PTPRN2: variants seen among roughly 807,000 people sequenced by gnomAD.
PTPRN2 encodes receptor-type tyrosine-protein phosphatase N2.
PTPRN2 carries 74 observed loss-of-function variants against 118.8 expected under a neutral mutation model. The ratio of observed to expected loss-of-function variants is 0.62; its 90% CI spans 0.52 to 0.76. The LOEUF (loss-of-function observed/expected upper bound fraction) is 0.76, where lower values mean the gene tolerates loss of function less well. PTPRN2 is among the 30% of genes least tolerant of loss of function. The pLI, the probability that PTPRN2 is intolerant of heterozygous loss-of-function variation, is 0.00. For missense variants in PTPRN2, 1,481 were observed against 1,394.4 expected, an observed-to-expected ratio of 1.06 and a Z score of -0.99; for synonymous variants, 641 against 608.0, an observed-to-expected ratio of 1.05 and a Z score of -0.80.
At chr7:157,984,238 C>A (rs961162107) in intron 11 of PTPRN2, among the ~76,000 whole-genome samples, 2 of 149,126 alleles carry the variant, frequency 1.3e-5, no homozygotes, top group African/African-American at 4.9e-5. Flanking sequence ...CCGCCCCACG[C>A]CAGGCTCCAC....
chr7:158,273,323 T>C (rs6976819), intron 3 of PTPRN2, among the ~76,000 whole-genome samples: 54,876 of 151,948 alleles, frequency 0.36, 11,022 homozygotes, highest in African/African-American at 0.54. Context: ...CCTTGCCTGC[T>C]GGGGAGGCCA....
intron 17 of PTPRN2, among the ~76,000 whole-genome samples, chr7:157,589,282 A>T: frequency 6.6e-6 from 1 of 152,226 alleles, no homozygotes; most frequent in East Asian, 1.9e-4. Context: ...GTGCCTGCCC[A>T]GGGCCTGGCA....
intron 9 of PTPRN2, among the ~76,000 whole-genome samples, chr7:158,116,982 G>C (rs373540787): frequency 6.6e-6 from 1 of 152,024 alleles, no homozygotes; most frequent in South Asian, 2.1e-4. Context: ...TCCAGAGTTA[G>C]ATTAAAATTT....
chr7:158,240,912 A>G (rs57845223), intron 3 of PTPRN2, among the ~76,000 whole-genome samples: 34,541 of 152,232 alleles, frequency 0.23, 4,998 homozygotes, highest in African/African-American at 0.38. Flanking sequence ...TGGAAGCAGA[A>G]GCTGAGCCTG....
intron 12 of PTPRN2, among the ~76,000 whole-genome samples, chr7:157,702,865 C>G (rs1022455602): frequency 6.6e-6 from 1 of 152,194 alleles, no homozygotes; most frequent in South Asian, 2.1e-4. Context: ...GAGCTGAGGT[C>G]AGAAGGAGGT....
rs185278156 is a variant in PTPRN2 at position 157,944,727 on chromosome 7, C to A, written c.1724-45990G>T. 8.5e-5 allele frequency among the ~76,000 whole-genome samples: 13 copies of A among 152,206 alleles called. No individual in the cohort carries two copies. Among genetic ancestry groups the A allele is most frequent in the African/African-American group, 3.1e-4 (13 of 41,452 alleles). ...CAGTGACCACTGTCCAGCAGGTCCA[C>A]GTGCATGGATGAGAGCTGTGCCCCT... On this transcript the variant is annotated intron_variant, in intron 11 of 22. Coordinates refer to ENST00000389418, the MANE Select transcript of PTPRN2 (RefSeq NM_002847.5). The surrounding 1 kb of genome is among the most constrained non-coding windows in gnomAD (Gnocchi z 4.3).
At chr7:158,470,797 C>T (rs747680176) in intron 2 of PTPRN2, among the ~76,000 whole-genome samples, 1 of 151,946 alleles carries the variant, frequency 6.6e-6, no homozygotes, top group African/African-American at 2.4e-5. Context: ...AAATGCGTGA[C>T]CTTAGGTGTG....
At chr7:157,981,217 A>C (rs1340237058) in intron 11 of PTPRN2, among the ~76,000 whole-genome samples, 2 of 152,242 alleles carry the variant, frequency 1.3e-5, no homozygotes, top group Non-Finnish European at 2.9e-5. Flanking sequence ...AATTCAGAGG[A>C]ACTGCAGACA....
chr7:158,241,528 TAA>T (rs541873169), intron 3 of PTPRN2, among the ~76,000 whole-genome samples: 1 of 151,936 alleles, frequency 6.6e-6, no homozygotes, highest in Non-Finnish European at 1.5e-5. Context: ...AAAGAATTAA[TAA>T]ATAAATAAAA....
chr7:158,211,604 C>G (rs557799182), intron 3 of PTPRN2, among the ~76,000 whole-genome samples: 2 of 152,168 alleles, frequency 1.3e-5, no homozygotes, highest in South Asian at 4.2e-4. Flanking sequence ...GGCAAACAGG[C>G]GTATGAAAAG....
At chr7:157,727,137 G>A (rs1187178298) in intron 12 of PTPRN2, among the ~76,000 whole-genome samples, 1 of 152,206 alleles carries the variant, frequency 6.6e-6, no homozygotes, top group Non-Finnish European at 1.5e-5. Flanking sequence ...GGTGTCCATG[G>A]AGAACAACTG....
chr7:158,577,184 G>C (rs1828378645), intron 1 of PTPRN2, among the ~76,000 whole-genome samples: 1 of 118,748 alleles, frequency 8.4e-6, no homozygotes, highest in Non-Finnish European at 1.7e-5. Flanking sequence ...TCCCCACCCT[G>C]CCTGATGCCA....
intron 2 of PTPRN2, among the ~76,000 whole-genome samples, chr7:158,330,110 C>T (rs1331807406): frequency 9.2e-6 from 1 of 108,696 alleles, no homozygotes; most frequent in African/African-American, 3.3e-5. Flanking sequence ...CACCCACACT[C>T]TCACCATAAG....
rs548195373 is a variant in PTPRN2 at position 158,309,909 on chromosome 7, G to A, written c.277+6910C>T. On this transcript the variant is annotated intron_variant, in intron 3 of 22. Coordinates refer to ENST00000389418, the MANE Select transcript of PTPRN2 (RefSeq NM_002847.5). ...GGGGTAATTAGGTCATGAAGACGGC[G>A]CCCATGCAGGTGGGATTAGTGTCCA... Among the ~76,000 whole-genome samples the A allele has an allele frequency of 2.4e-4, 37 of 152,244 alleles. No individual in the cohort carries two copies. The South Asian group carries it at 6.0e-3, about 25-fold the overall frequency.
In PTPRN2 at chr7:158,261,631, G is replaced by A. The variant is rs962958318; in HGVS notation, c.277+55188C>T. Among the ~76,000 whole-genome samples, 7 of 152,222 alleles carry A rather than the reference G, an allele frequency of 4.6e-5. No homozygotes were observed. In the East Asian group the frequency reaches 9.7e-4, roughly 21 times the overall value. ...TGGACGTCCACTCCATAGAGCACAC[G>A]AAGAGGATAAAACAGCAGGGTGCAC... On this transcript the variant is annotated intron_variant, in intron 3 of 22. Transcript: ENST00000389418.
intron 1 of PTPRN2, among the ~76,000 whole-genome samples, chr7:158,534,010 AC>A (rs763839753): frequency 6.6e-6 from 1 of 150,660 alleles, no homozygotes; most frequent in Non-Finnish European, 1.5e-5. Flanking sequence ...GTGACCACCC[AC>A]CCCCCGGGCT....
At chr7:157,843,227 C>T (rs1808563141) in intron 12 of PTPRN2, among the ~76,000 whole-genome samples, 1 of 152,152 alleles carries the variant, frequency 6.6e-6, no homozygotes, top group Admixed American at 6.5e-5. Context: ...ACCATAAAGC[C>T]TAATGGTATG....
chr7:158,273,398 A>ATGGGAGGAGCCGCAGACAGACG lies in PTPRN2; in HGVS notation c.277+43420_277+43421insCGTCTGTCTGCGGCTCCTCCCA, dbSNP rs1563072451. 6.3e-3 allele frequency among the ~76,000 whole-genome samples: 895 copies of ATGGGAGGAGCCGCAGACAGACG among 141,098 alleles called. 69 individuals are homozygous for ATGGGAGGAGCCGCAGACAGACG. Among genetic ancestry groups the ATGGGAGGAGCCGCAGACAGACG allele is most frequent in the African/African-American group, 0.025 (845 of 34,050 alleles). 92.6% of individuals were successfully genotyped at this position (141,098 alleles called of 152,430 possible). A position where few individuals can be genotyped will look rare whatever the true frequency, so the allele number is the denominator to read the frequency against. ...CTGTCCCAGCGTCGTGGATGCAGAC[A>ATGGGAGGAGCCGCAGACAGACG]CGGGAGGAGCCGCAGACAGACGCGG... On this transcript the variant is annotated intron_variant, in intron 3 of 22. Transcript: ENST00000389418.
intron 2 of PTPRN2, among the ~76,000 whole-genome samples, chr7:158,356,925 C>T (rs1323484750): frequency 6.6e-6 from 1 of 152,160 alleles, no homozygotes; most frequent in East Asian, 1.9e-4. Flanking sequence ...GAAACTGTGG[C>T]TGGGAAGATC....
Sources: allele counts gnomAD v4.1 joint callset (sites outside exome capture counted in the v4.1 genomes callset), GRCh38; gene constraint gnomAD v4.1.1; non-coding constraint Gnocchi (gnomAD v3.1); transcripts MANE v1.5; gene names NCBI Gene and HGNC (gene_info 2026-07-23, HGNC 2026-07-21).